Variants in TRIM63 observed in about 807,000 individuals in gnomAD.
TRIM63 encodes E3 ubiquitin-protein ligase TRIM63.
In TRIM63, 48 loss-of-function variants were observed where a neutral mutation model predicts 46.0. The observed-to-expected ratio is 1.04, with a 90% confidence interval of 0.83 to 1.33. TRIM63 has a LOEUF of 1.33. Ranked by LOEUF, TRIM63 falls within the 40% of genes most tolerant of loss-of-function variation. The pLI is 0.00. For missense variants in TRIM63, 455 were observed against 441.2 expected, an observed-to-expected ratio of 1.03 and a Z score of -0.28; for synonymous variants, 175 against 162.8, an observed-to-expected ratio of 1.08 and a Z score of -0.57.
intron 2 of TRIM63, among the ~76,000 whole-genome samples, chr1:26,065,171 G>A (rs61775414): frequency 0.15 from 22,658 of 152,024 alleles, 1,809 homozygotes; most frequent in Middle Eastern, 0.23. Context: ...TGACAGGCAC[G>A]CGCCACCACG....
intron 8 of TRIM63, 62 bp downstream of exon 8, chr1:26,053,831 C>T (rs2050544223): frequency 3.2e-6 from 4 of 1,241,584 alleles, no homozygotes; most frequent in Non-Finnish European, 4.7e-6. Flanking sequence ...ATACAGTAGG[C>T]ACCTCAGATT....
chr1:26,062,571 G>A (rs2050635981), intron 2 of TRIM63, among the ~76,000 whole-genome samples: 1 of 152,182 alleles, frequency 6.6e-6, no homozygotes, highest in Non-Finnish European at 1.5e-5. Flanking sequence ...GTAGCCCAGG[G>A]CTGTCCAACA....
intron 7 of TRIM63, among the ~76,000 whole-genome samples, chr1:26,054,562 T>G (rs1048471069): frequency 5.3e-5 from 8 of 152,244 alleles, no homozygotes; most frequent in African/African-American, 1.9e-4. Context: ...TCCTGAGATG[T>G]CACCGTCAAG....
At chr1:26,052,678 G>A (rs2050533146) in intron 8 of TRIM63, among the ~76,000 whole-genome samples, 1 of 151,996 alleles carries the variant, frequency 6.6e-6, no homozygotes, top group Admixed American at 6.6e-5. Context: ...TGTTGGCCAG[G>A]ATGGTGTCAA....
chr1:26,063,690 T>A (rs3008225), intron 2 of TRIM63, among the ~76,000 whole-genome samples: 37,289 of 152,182 alleles, frequency 0.25, 5,915 homozygotes, highest in African/African-American at 0.45. Context: ...GATTTTGGAC[T>A]AGTGATTTCA....
intron 2 of TRIM63, among the ~76,000 whole-genome samples, chr1:26,062,997 T>C (rs1226758207): frequency 6.6e-6 from 1 of 152,136 alleles, no homozygotes; most frequent in East Asian, 1.9e-4. Context: ...CCTCATGTGA[T>C]CCACCCACCT....
At chr1:26,052,008 G>T (rs533336009) in intron 8 of TRIM63, 125 bp from the exon 9 acceptor site, 7 of 794,612 alleles carry the variant, frequency 8.8e-6, no homozygotes, top group Non-Finnish European at 1.2e-5. Context: ...AATTCCTCCC[G>T]GTCTCTTCCT....
chr1:26,055,079 G>T (rs918763348), intron 7 of TRIM63, among the ~76,000 whole-genome samples: 1 of 152,030 alleles, frequency 6.6e-6, no homozygotes, highest in African/African-American at 2.4e-5. Context: ...TTGTCACAAT[G>T]ACTACATTTA....
chr1:26,067,113 C>T (rs1369417911), intron 1 of TRIM63, among the ~76,000 whole-genome samples: 1 of 152,032 alleles, frequency 6.6e-6, no homozygotes, highest in Non-Finnish European at 1.5e-5. Flanking sequence ...GGTGGGGGAG[C>T]TGTGGGCAGG....
At chr1:26,055,215 C>T (rs888515008) in intron 7 of TRIM63, among the ~76,000 whole-genome samples, 10 of 152,248 alleles carry the variant, frequency 6.6e-5, no homozygotes. Flanking sequence ...GCACAGGCTA[C>T]TTGCCAGCTG....
chr1:26,065,330 T>A (rs1354931212), intron 2 of TRIM63, among the ~76,000 whole-genome samples: 1 of 148,072 alleles, frequency 6.8e-6, no homozygotes, highest in African/African-American at 2.5e-5. Flanking sequence ...GGCCTCTCAG[T>A]GTTTTTGTCT....
chr1:26,066,083 C>T (rs2050674025), intron 2 of TRIM63, among the ~76,000 whole-genome samples, 185 bp downstream of exon 2: 1 of 152,214 alleles, frequency 6.6e-6, no homozygotes, highest in South Asian at 2.1e-4. Flanking sequence ...TTCCCATCCG[C>T]TGAGCAATCC....
rs940333302 is a variant in TRIM63 at position 26,051,776 on chromosome 1, G to A, written c.*97C>T. The A allele has an allele frequency of 1.3e-5, 3 of 234,256 alleles. No individual in the cohort carries two copies. The highest frequency in any genetic ancestry group is 4.7e-5 in the African/African-American group (2 of 42,710). The allele number at this position is 234,256 out of a possible 1,614,324, so 14.5% of individuals were successfully genotyped here. ...TCCCCATTGCCCCTCCAGGGGCCCC[G>A]ACCCCTCCCACCCTGGGCCTGTCAC... On this transcript the variant is annotated 3_prime_UTR_variant, in exon 9 of 9. Coordinates refer to ENST00000374272, the MANE Select transcript of TRIM63 (RefSeq NM_032588.4).
rs767699326 is a variant in TRIM63, at chr1:26,061,260, G to A, written c.407C>T (p.Thr136Met). 9 of 1,614,206 alleles carry A rather than the reference G, an allele frequency of 5.6e-6. No homozygotes were observed. Among genetic ancestry groups the A allele is most frequent in the South Asian group, 4.4e-5 (4 of 91,086 alleles). Residue 136 changes from threonine to methionine, a missense_variant, in exon 3 of 9, where the codon ACG (threonine) becomes ATG (methionine). Transcript: ENST00000374272. Reference protein sequence around the residue: ...EDEKINIYCLTCEVPTCSMCK... With the variant: ...EDEKINIYCLMCEVPTCSMCK... ...CATGGAGCAGGTGGGCACCTCACACGTGAGACAGTAGATGTTGATTTTCTC... is the reference window on the plus strand; with the variant it reads ...CATGGAGCAGGTGGGCACCTCACACATGAGACAGTAGATGTTGATTTTCTC...
rs575613282 is a variant in TRIM63, at chr1:26,054,088, C to A, written c.980-124G>T. On this transcript the variant is annotated intron_variant, in intron 7 of 8. Transcript: ENST00000374272. Reference sequence around the variant, plus strand: ...TGTGCCCAGTCGGGTCAAACGGCCACACAGCGGCGGCAGTGGTCTGGGAGG... The same window carrying A: ...TGTGCCCAGTCGGGTCAAACGGCCAAACAGCGGCGGCAGTGGTCTGGGAGG... 4.1e-5 allele frequency: 26 copies of A among 631,942 alleles called. No homozygotes were observed. The South Asian group carries it at 5.8e-4, about 14-fold the overall frequency. 39.1% of individuals were successfully genotyped at this position (631,942 alleles called of 1,614,324 possible).
At position 26,051,789 on chromosome 1, in the gene TRIM63, CTGGGCCTGT is replaced by C; in HGVS notation, c.*75_*83del. 2.2e-6 allele frequency: 2 copies of C among 912,400 alleles called. No individual in the cohort carries two copies. Among genetic ancestry groups the C allele is most frequent in the East Asian group, 3.0e-5 (1 of 32,846 alleles). The allele number at this position is 912,400 out of a possible 1,614,324, so 56.5% of individuals were successfully genotyped here. On this transcript the variant is annotated 3_prime_UTR_variant, in exon 9 of 9. Transcript: ENST00000374272. ...TCCAGGGGCCCCGACCCCTCCCACC[CTGGGCCTGT>C]CACCAAGGCCGCTGGGCCCCTCCCC... is the stretch of plus-strand genomic sequence containing the variant.
At position 26,051,777 on chromosome 1, in the gene TRIM63, A is replaced by T; in HGVS notation, c.*96T>A. ...CCCCATTGCCCCTCCAGGGGCCCCGACCCCTCCCACCCTGGGCCTGTCACC... is the reference window on the plus strand; with the variant it reads ...CCCCATTGCCCCTCCAGGGGCCCCGTCCCCTCCCACCCTGGGCCTGTCACC... On this transcript the variant is annotated 3_prime_UTR_variant, in exon 9 of 9. Coordinates refer to ENST00000374272, the MANE Select transcript of TRIM63 (RefSeq NM_032588.4). The T allele has an allele frequency of 2.7e-6, 1 of 369,102 alleles. No individual in the cohort carries two copies. The allele number at this position is 369,102 out of a possible 1,614,324, so 22.9% of individuals were successfully genotyped here. A position where few individuals can be genotyped will look rare whatever the true frequency, so the allele number is the denominator to read the frequency against.
chr1:26,057,453 C>T, intron 6 of TRIM63, 126 bp from the exon 7 acceptor site: 1 of 1,415,886 alleles, frequency 7.1e-7, no homozygotes, highest in South Asian at 1.4e-5. Flanking sequence ...TGGAGTATTT[C>T]CTCTCCAACC....
intron 3 of TRIM63, among the ~76,000 whole-genome samples, chr1:26,060,803 T>C (rs1030072804): frequency 2.0e-5 from 3 of 152,134 alleles, no homozygotes; most frequent in Non-Finnish European, 4.4e-5. Context: ...GAGAAGGCTC[T>C]AAGCTGCCTC....
Sources: allele counts gnomAD v4.1 joint callset (sites outside exome capture counted in the v4.1 genomes callset), GRCh38; gene constraint gnomAD v4.1.1; transcripts MANE v1.5; gene names NCBI Gene and HGNC (gene_info 2026-07-23, HGNC 2026-07-21).